Variants in NTNG2 observed in about 807,000 individuals in gnomAD.
NTNG2 encodes the protein netrin-G2.
In NTNG2, 15 loss-of-function variants were observed where a neutral mutation model predicts 47.6. That is an observed-to-expected ratio of 0.32 (90% CI 0.21 to 0.49). NTNG2 has a LOEUF of 0.49. NTNG2 is among the 20% of genes least tolerant of loss of function. The probability of loss-of-function intolerance (pLI) is 0.99; values close to 1 mark genes in which losing one functional copy is unlikely to be tolerated. For missense variants in NTNG2, 578 were observed against 764.6 expected (o/e 0.76, Z 2.88); for synonymous variants, 307 against 324.6 (o/e 0.95, Z 0.58).
In NTNG2 at chr9:132,236,585, C is replaced by A. The variant is rs1044450947; in HGVS notation, c.1055-2519C>A. ...GCCCTCTACTGGCAGGAAGCTCTGG[C>A]GCTGGAAGCATGTTTAGAGAGGGTC... is the stretch of plus-strand genomic sequence containing the variant. On this transcript the variant is annotated intron_variant, in intron 5 of 7. Transcript: ENST00000393229. The surrounding 1 kb of genome is among the most constrained non-coding windows in gnomAD (Gnocchi z 4.3). 1.3e-5 allele frequency among the ~76,000 whole-genome samples: 2 copies of A among 152,204 alleles called. No individual in the cohort carries two copies. The highest frequency in any genetic ancestry group is 2.9e-5 in the Non-Finnish European group (2 of 68,034).
intron 2 of NTNG2, among the ~76,000 whole-genome samples, chr9:132,178,999 T>TC (rs10594329): frequency 7.0e-6 from 1 of 143,790 alleles, no homozygotes; most frequent in Non-Finnish European, 1.5e-5. Context: ...ATGAGGCACA[T>TC]CCCCCCCTCT....
intron 2 of NTNG2, among the ~76,000 whole-genome samples, chr9:132,171,061 C>A (rs1314994619): frequency 6.6e-6 from 1 of 152,132 alleles, no homozygotes; most frequent in Non-Finnish European, 1.5e-5. Context: ...AGGGATGGAG[C>A]TGGGAGCCGA....
intron 3 of NTNG2, among the ~76,000 whole-genome samples, chr9:132,213,447 G>A (rs1246681184): frequency 6.6e-6 from 1 of 151,980 alleles, no homozygotes; most frequent in African/African-American, 2.4e-5. Flanking sequence ...CCCACCGGCT[G>A]GGGAGGAGAA....
At position 132,197,760 on chromosome 9, in the gene NTNG2, C is replaced by T. The variant is rs1838420447; in HGVS notation, c.214-206C>T. Among the ~76,000 whole-genome samples the T allele has an allele frequency of 6.6e-6, 1 of 152,126 alleles. No homozygotes were observed. The stretch of plus-strand genomic sequence containing the variant: ...GAGCAAGGACAAGTATGCATTTTTT[C>T]TTTGGAAGCCATGGGATTGCACACC... On this transcript the variant is annotated intron_variant, in intron 2 of 7. Transcript: ENST00000393229. The surrounding 1 kb of genome is among the most constrained non-coding windows in gnomAD (Gnocchi z 4.3).
chr9:132,181,752 T>A (rs185059704), intron 2 of NTNG2, among the ~76,000 whole-genome samples: 358 of 152,346 alleles, frequency 2.3e-3, no homozygotes, highest in African/African-American at 8.2e-3. Context: ...AGGTAGAGCT[T>A]GTATTTAGAT....
At chr9:132,240,855 G>A in intron 6 of NTNG2, 55 bp from the exon 7 acceptor site, 1 of 1,610,828 alleles carries the variant, frequency 6.2e-7, no homozygotes, top group Non-Finnish European at 8.5e-7. Context: ...GGGGGTCCGA[G>A]AAGACGGCGC....
At position 132,243,739 on chromosome 9, in the gene NTNG2, A is replaced by G. The variant is rs536091557; in HGVS notation, c.*1628A>G. ...CCAAAGCTAAGCTAAGACCAAGTGG[A>G]ACAAACTTGGCCTTGGGGACAGCAG... On this transcript the variant is annotated 3_prime_UTR_variant, in exon 8 of 8. Coordinates refer to ENST00000393229, the MANE Select transcript of NTNG2 (RefSeq NM_032536.4). 1 of 152,486 alleles carries G rather than the reference A, an allele frequency of 6.6e-6. No homozygotes were observed. The highest frequency in any genetic ancestry group is 2.1e-4 in the South Asian group (1 of 4,836). 9.4% of individuals were successfully genotyped at this position (152,486 alleles called of 1,614,324 possible).
chr9:132,219,808 A>G (rs778366149), intron 3 of NTNG2, among the ~76,000 whole-genome samples: 21 of 152,184 alleles, frequency 1.4e-4, no homozygotes, highest in Non-Finnish European at 2.8e-4. Context: ...CAATGCTGCT[A>G]TCAACATTCA....
intron 2 of NTNG2, among the ~76,000 whole-genome samples, chr9:132,193,036 G>A (rs549338614): frequency 7.1e-4 from 108 of 152,330 alleles, no homozygotes; most frequent in African/African-American, 2.5e-3. Flanking sequence ...CAGGCCGGGT[G>A]CAACTGGGGG....
intron 5 of NTNG2, among the ~76,000 whole-genome samples, chr9:132,235,752 G>A (rs1326568930): frequency 1.3e-5 from 2 of 152,224 alleles, no homozygotes; most frequent in African/African-American, 4.8e-5. Flanking sequence ...ATGGGCCTGA[G>A]ACCCCGGGGA....
At chr9:132,187,083 G>A (rs919554783) in intron 2 of NTNG2, among the ~76,000 whole-genome samples, 23 of 152,370 alleles carry the variant, frequency 1.5e-4, no homozygotes, top group Non-Finnish European at 2.8e-4. Context: ...CTTTTGAGCC[G>A]AGGCAGGTTC....
At chr9:132,181,940 T>C (rs1252324270) in intron 2 of NTNG2, among the ~76,000 whole-genome samples, 3 of 152,198 alleles carry the variant, frequency 2.0e-5, no homozygotes, top group African/African-American at 7.2e-5. Flanking sequence ...AAGCGCCTGA[T>C]AGACGGAGGC....
At chr9:132,227,647 C>A (rs1194988022) in intron 4 of NTNG2, among the ~76,000 whole-genome samples, 3 of 152,202 alleles carry the variant, frequency 2.0e-5, no homozygotes, top group Non-Finnish European at 4.4e-5. Flanking sequence ...GTGTCCTCTA[C>A]GGCCTGCACC....
chr9:132,187,481 A>T (rs1837481421), intron 2 of NTNG2, among the ~76,000 whole-genome samples: 1 of 152,012 alleles, frequency 6.6e-6, no homozygotes, highest in African/African-American at 2.4e-5. Flanking sequence ...TGGGGAAGGA[A>T]TTAGCAGCAC....
intron 7 of NTNG2, among the ~76,000 whole-genome samples, 198 bp from the exon 8 acceptor site, chr9:132,241,678 A>AG (rs1393037733): frequency 3.9e-5 from 6 of 151,956 alleles, no homozygotes; most frequent in African/African-American, 1.4e-4. Context: ...CAGCGGTGGG[A>AG]GGCAGCCGGG....
rs533239354 is a variant in NTNG2, at chr9:132,163,206, G to A, written c.-484+967G>A. ...TTGGGAAGACGAAAAGCAGCTGCGGGGCTGCCGGGTCGTCGGTGTCCTAGG... is the reference window on the plus strand; with the variant it reads ...TTGGGAAGACGAAAAGCAGCTGCGGAGCTGCCGGGTCGTCGGTGTCCTAGG... On this transcript the variant is annotated intron_variant, in intron 1 of 7. Coordinates refer to ENST00000393229, the MANE Select transcript of NTNG2 (RefSeq NM_032536.4). The surrounding 1 kb of genome is among the most constrained non-coding windows in gnomAD (Gnocchi z 7.2). Among the ~76,000 whole-genome samples, 2 of 152,250 alleles carry A rather than the reference G, an allele frequency of 1.3e-5. No homozygotes were observed. Among genetic ancestry groups the A allele is most frequent in the South Asian group, 2.1e-4 (1 of 4,826 alleles).
chr9:132,208,387 T>C lies in NTNG2; in HGVS notation c.857+9778T>C, dbSNP rs1839331767. Among the ~76,000 whole-genome samples, 1 of 152,072 alleles carries C rather than the reference T, an allele frequency of 6.6e-6. No homozygotes were observed. The highest frequency in any genetic ancestry group is 6.6e-5 in the Admixed American group (1 of 15,264). ...GGAGGAAGTTGGTTTTGGTTGAAGTTTGGTAGGAGGGCTACAGGCAGGGGA... is the reference window on the plus strand; with the variant it reads ...GGAGGAAGTTGGTTTTGGTTGAAGTCTGGTAGGAGGGCTACAGGCAGGGGA... On this transcript the variant is annotated intron_variant, in intron 3 of 7. Transcript: ENST00000393229. This position sits in a 1 kb window ranked among gnomAD's most constrained non-coding sequence, Gnocchi z 4.0.
At chr9:132,227,427 A>G (rs556360046) in intron 4 of NTNG2, among the ~76,000 whole-genome samples, 2 of 152,270 alleles carry the variant, frequency 1.3e-5, no homozygotes, top group African/African-American at 4.8e-5. Flanking sequence ...TTGACCCTGA[A>G]GGCTGGCAGG....
rs1835234688 is a variant in NTNG2 at position 132,163,387 on chromosome 9, G to A, written c.-484+1148G>A. Among the ~76,000 whole-genome samples the A allele has an allele frequency of 6.6e-6, 1 of 151,276 alleles. No individual in the cohort carries two copies. The highest frequency in any genetic ancestry group is 1.5e-5 in the Non-Finnish European group (1 of 67,684). ...TCCCGCGGGCGGGGACCCAGGGGCC[G>A]GATAAAGGGCCCGCTCCGGAGCGGG... On this transcript the variant is annotated intron_variant, in intron 1 of 7. Transcript: ENST00000393229. The surrounding 1 kb of genome is among the most constrained non-coding windows in gnomAD (Gnocchi z 7.2).
Sources: gnomAD v4.1 joint callset for allele counts (sites outside exome capture counted in the v4.1 genomes callset) on GRCh38, gnomAD v4.1.1 for gene constraint, Gnocchi (gnomAD v3.1) non-coding constraint, MANE v1.5 for transcripts, NCBI Gene and HGNC (gene_info 2026-07-23, HGNC 2026-07-21) for gene names.